SLC26A7: variants seen among roughly 807,000 people sequenced by gnomAD.
SLC26A7 encodes solute carrier family 26 member 7, also known as anion exchange transporter.
A neutral mutation model predicts 82.5 loss-of-function variants in SLC26A7; 59 were observed. The observed-to-expected ratio is 0.72, with a 90% CI of 0.58 to 0.89. SLC26A7 has a LOEUF of 0.89. Ranked by LOEUF, SLC26A7 falls within the 40% of genes least tolerant of loss-of-function variation. The pLI is 0.00. For missense variants in SLC26A7, 820 were observed against 793.0 expected (o/e 1.03, Z -0.41); for synonymous variants, 271 against 274.3 (o/e 0.99, Z 0.12).
At chr8:91,229,137 T>A (rs1810279295) in intron 2 of SLC26A7, among the ~76,000 whole-genome samples, 1 of 152,204 alleles carries the variant, frequency 6.6e-6, no homozygotes, top group Non-Finnish European at 1.5e-5. Context: ...TCTCTCCATA[T>A]GTTATTTCCT....
chr8:91,329,732 C>T (rs1003099347), intron 5 of SLC26A7, among the ~76,000 whole-genome samples: 1 of 152,112 alleles, frequency 6.6e-6, no homozygotes, highest in African/African-American at 2.4e-5. Context: ...TGTCTTCTTC[C>T]TGACAGATCA....
At chr8:91,320,587 G>A (rs1812763610) in intron 5 of SLC26A7, among the ~76,000 whole-genome samples, 1 of 152,114 alleles carries the variant, frequency 6.6e-6, no homozygotes, top group African/African-American at 2.4e-5. Flanking sequence ...GGTTGCAGTG[G>A]GATATTGGGA....
intron 6 of SLC26A7, among the ~76,000 whole-genome samples, chr8:91,336,441 G>T (rs1563685783): frequency 6.6e-6 from 1 of 152,066 alleles, no homozygotes; most frequent in Non-Finnish European, 1.5e-5. Flanking sequence ...AATCTAGGTT[G>T]CGTGCTTCTT....
intron 15 of SLC26A7, among the ~76,000 whole-genome samples, chr8:91,381,001 T>C (rs1814656819): frequency 6.6e-6 from 1 of 152,086 alleles, no homozygotes; most frequent in African/African-American, 2.4e-5. Context: ...ATTATATACA[T>C]CTTATAAACA....
intron 13 of SLC26A7, among the ~76,000 whole-genome samples, chr8:91,365,593 T>G (rs1313507231): frequency 1.3e-5 from 2 of 152,258 alleles, no homozygotes; most frequent in East Asian, 3.8e-4. Flanking sequence ...AGTTATTTGT[T>G]GCAAATCTCC....
At chr8:91,246,626 G>C (rs764798262), upstream of SLC26A7, among the ~76,000 whole-genome samples, 4 of 151,900 alleles carry the variant, frequency 2.6e-5, no homozygotes, top group Non-Finnish European at 5.9e-5. Context: ...CTTGAACCTG[G>C]AAGGTGGAGG....
chr8:91,293,599 G>T (rs535140040), intron 3 of SLC26A7, among the ~76,000 whole-genome samples: 8 of 152,152 alleles, frequency 5.3e-5, no homozygotes, highest in Non-Finnish European at 1.2e-4. Context: ...TGACTCACAC[G>T]CAGGTGAAGC....
intron 2 of SLC26A7, among the ~76,000 whole-genome samples, chr8:91,273,990 T>A (rs1051090703): frequency 6.6e-6 from 1 of 152,230 alleles, no homozygotes; most frequent in African/African-American, 2.4e-5. Flanking sequence ...TTAAGAACTG[T>A]CAGGAAGATC....
At chr8:91,366,995 T>C (rs1814212913) in intron 14 of SLC26A7, among the ~76,000 whole-genome samples, 1 of 152,084 alleles carries the variant, frequency 6.6e-6, no homozygotes, top group African/African-American at 2.4e-5. Flanking sequence ...ATGGATCTCT[T>C]AACCAACCTC....
At chr8:91,244,795 A>G (rs1810522198), upstream of SLC26A7, among the ~76,000 whole-genome samples, 1 of 152,026 alleles carries the variant, frequency 6.6e-6, no homozygotes, top group South Asian at 2.1e-4. Context: ...TGCTAGGATT[A>G]TAGGTATGAG....
intron 2 of SLC26A7, among the ~76,000 whole-genome samples, chr8:91,223,510 C>G (rs1810190654): frequency 1.3e-5 from 2 of 152,176 alleles, no homozygotes; most frequent in South Asian, 4.1e-4. Context: ...AGCTGTGTCC[C>G]AGAGATTCTG....
chr8:91,269,249 C>G (rs1000871415), intron 2 of SLC26A7, among the ~76,000 whole-genome samples: 1 of 151,968 alleles, frequency 6.6e-6, no homozygotes, highest in Non-Finnish European at 1.5e-5. Context: ...AAAGAACTTT[C>G]TTTAGCATTT....
chr8:91,210,869 A>G (rs1256734667), intron 1 of SLC26A7, among the ~76,000 whole-genome samples: 1 of 152,146 alleles, frequency 6.6e-6, no homozygotes, highest in African/African-American at 2.4e-5. Context: ...TTGAAAGAAG[A>G]CAATTTCAGA....
chr8:91,288,320 G>T (rs1055142951), intron 2 of SLC26A7, among the ~76,000 whole-genome samples: 1 of 152,026 alleles, frequency 6.6e-6, no homozygotes, highest in African/African-American at 2.4e-5. Flanking sequence ...TGAATTTGTC[G>T]TTCCAAGGAT....
At chr8:91,312,291 CTTTAT>C (rs770743790) in intron 4 of SLC26A7, among the ~76,000 whole-genome samples, 5 of 152,196 alleles carry the variant, frequency 3.3e-5, no homozygotes, top group African/African-American at 4.8e-5. Context: ...AATTTCCTTC[CTTTAT>C]AAGGTTCAAT....
intron 1 of SLC26A7, among the ~76,000 whole-genome samples, chr8:91,212,532 A>G (rs1809950039): frequency 6.6e-6 from 1 of 152,284 alleles, no homozygotes; most frequent in South Asian, 2.1e-4. Flanking sequence ...TTGTAACTTT[A>G]ATTCCTTTTT....
intron 3 of SLC26A7, among the ~76,000 whole-genome samples, chr8:91,294,901 A>G (rs1477227589): frequency 6.6e-6 from 1 of 152,224 alleles, no homozygotes; most frequent in East Asian, 1.9e-4. Flanking sequence ...ATAAAAATAT[A>G]CTCTGCTATG....
At chr8:91,277,371 C>A (rs532485008) in intron 2 of SLC26A7, among the ~76,000 whole-genome samples, 1 of 152,274 alleles carries the variant, frequency 6.6e-6, no homozygotes, top group South Asian at 2.1e-4. Context: ...AATACTGCAT[C>A]CCCATTTGCA....
chr8:91,295,804 A>G, intron 4 of SLC26A7, 101 bp downstream of exon 4: 2 of 1,098,638 alleles, frequency 1.8e-6, no homozygotes, highest in Non-Finnish European at 2.6e-6. Context: ...TTGTCTTTAT[A>G]GGTGGATAAA....
Sources: allele counts gnomAD v4.1 joint callset (sites outside exome capture counted in the v4.1 genomes callset), GRCh38; gene constraint gnomAD v4.1.1; transcripts MANE v1.5; gene names NCBI Gene and HGNC (gene_info 2026-07-23, HGNC 2026-07-21).